Variants in MYH9 observed in about 807,000 individuals in gnomAD.
The protein encoded by MYH9 is myosin-9.
In MYH9, 29 loss-of-function variants were observed where a neutral mutation model predicts 241.9. The observed-to-expected ratio is 0.12, with a 90% CI of 0.09 to 0.16. The LOEUF (loss-of-function observed/expected upper bound fraction) is 0.16. Ranked by LOEUF, MYH9 falls within the 10% of genes least tolerant of loss-of-function variation. The probability of loss-of-function intolerance (pLI) is 1.00; values close to 1 mark genes in which losing one functional copy is unlikely to be tolerated. For synonymous variants in MYH9, 1,047 were observed against 1,062.6 expected, an observed-to-expected ratio of 0.99 and a Z score of 0.29; for missense variants, 1,803 against 2,595.5, an observed-to-expected ratio of 0.69 and a Z score of 6.63.
At chr22:36,377,062 C>CAAAAAAA (rs11448075) in intron 1 of MYH9, among the ~76,000 whole-genome samples, 1 of 144,826 alleles carries the variant, frequency 6.9e-6, no homozygotes, top group Non-Finnish European at 1.5e-5. Context: ...GACCCTACCT[C>CAAAAAAA]AAAAAAAAAA....
chr22:36,318,946 T>A (rs1038992724), intron 10 of MYH9, among the ~76,000 whole-genome samples: 3 of 152,038 alleles, frequency 2.0e-5, no homozygotes, highest in Non-Finnish European at 4.4e-5. Context: ...GTATTTTTAA[T>A]AGAGATGGGG....
chr22:36,287,680 T>G (rs2016610131), intron 34 of MYH9, among the ~76,000 whole-genome samples: 1 of 152,150 alleles, frequency 6.6e-6, no homozygotes, highest in Admixed American at 6.5e-5. Flanking sequence ...AGGCGGAGCT[T>G]GCAGCAAGCC....
At chr22:36,351,830 C>A (rs1368051068) in intron 1 of MYH9, among the ~76,000 whole-genome samples, 1 of 152,036 alleles carries the variant, frequency 6.6e-6, no homozygotes, top group Non-Finnish European at 1.5e-5. Flanking sequence ...GTGTTGCTGA[C>A]CCCGCCAATG....
intron 2 of MYH9, among the ~76,000 whole-genome samples, chr22:36,342,280 G>C (rs1397102672): frequency 6.6e-6 from 1 of 152,102 alleles, no homozygotes; most frequent in African/African-American, 2.4e-5. Flanking sequence ...CAGATATCCT[G>C]AGTTCAAATC....
chr22:36,343,751 G>A (rs1184078826), intron 2 of MYH9, among the ~76,000 whole-genome samples: 1 of 152,112 alleles, frequency 6.6e-6, no homozygotes, highest in Non-Finnish European at 1.5e-5. Flanking sequence ...GCGGGCCCAG[G>A]CATTTCAGGA....
At chr22:36,380,207 C>G (rs2018234964) in intron 1 of MYH9, among the ~76,000 whole-genome samples, 1 of 152,208 alleles carries the variant, frequency 6.6e-6, no homozygotes, top group South Asian at 2.1e-4. Flanking sequence ...GTCAATCGGG[C>G]ACAACAGCAG....
At chr22:36,328,825 C>T (rs2017376072) in intron 3 of MYH9, 1 of 152,274 alleles carries the variant, frequency 6.6e-6, no homozygotes, top group Non-Finnish European at 1.5e-5. Flanking sequence ...CTGGTCAGGG[C>T]CCTGCGTGAC....
In MYH9 at chr22:36,295,722, C is replaced by T. The variant is rs1442126690; in HGVS notation, c.3273-5G>A. 6.2e-7 allele frequency: 1 copy of T among 1,611,104 alleles called. No homozygotes were observed. The highest frequency in any genetic ancestry group is 2.2e-5 in the East Asian group (1 of 44,872). ...TGGGCAGCTTCCTCTTCCACTCTGC[C>T]AAAGCGACCAGCAACATCAGTATAA... On this transcript the variant is annotated splice_polypyrimidine_tract_variant and splice_region_variant and intron_variant, in intron 25 of 40. Coordinates refer to ENST00000216181, the MANE Select transcript of MYH9 (RefSeq NM_002473.6). The surrounding 1 kb of genome is among the most constrained non-coding windows in gnomAD (Gnocchi z 4.1).
intron 12 of MYH9, among the ~76,000 whole-genome samples, chr22:36,315,247 C>T (rs1420870728): frequency 6.6e-6 from 1 of 152,112 alleles, no homozygotes; most frequent in Non-Finnish European, 1.5e-5. Context: ...GCTAATACAA[C>T]TGTGGTTTGT....
intron 1 of MYH9, among the ~76,000 whole-genome samples, chr22:36,383,960 GAA>G (rs113872567): frequency 8.7e-5 from 10 of 115,068 alleles, no homozygotes; most frequent in Non-Finnish European, 5.4e-5. Flanking sequence ...ACCCTGTCTC[GAA>G]AAAAAAAAAA....
chr22:36,346,938 G>A (rs550336239), intron 2 of MYH9, among the ~76,000 whole-genome samples: 3 of 152,092 alleles, frequency 2.0e-5, no homozygotes, highest in East Asian at 3.9e-4. Context: ...TTTTCCACTA[G>A]GTCAAAAACA....
In MYH9 at chr22:36,292,041, T is replaced by C. The variant is rs1249032059; in HGVS notation, c.4289A>G (p.Asp1430Gly). 1.2e-6 allele frequency: 2 copies of C among 1,614,156 alleles called. No homozygotes were observed. The highest frequency in any genetic ancestry group is 1.7e-6 in the Non-Finnish European group (2 of 1,180,024). ...QELDDLLVDL[D>G]HQRQSACNLE... Reference sequence around the variant, plus strand: ...GTTGCACGCGCTCTGGCGCTGGTGGTCCAGGTCCACCAGCAGGTCGTCCAG... The same window carrying C: ...GTTGCACGCGCTCTGGCGCTGGTGGCCCAGGTCCACCAGCAGGTCGTCCAG... The change falls in exon 31 of 41, where the codon GAC becomes GGC. Residue 1430 changes from aspartate to glycine, a missense_variant. Coordinates refer to ENST00000216181, the MANE Select transcript of MYH9 (RefSeq NM_002473.6).
At chr22:36,314,045 A>G in intron 13 of MYH9, 100 bp downstream of exon 13, 1 of 1,445,314 alleles carries the variant, frequency 6.9e-7, no homozygotes, top group Non-Finnish European at 9.7e-7. Flanking sequence ...AGGGGAGTTA[A>G]GACACCTCCA....
chr22:36,358,847 A>G (rs372308445), intron 1 of MYH9, among the ~76,000 whole-genome samples: 1 of 152,220 alleles, frequency 6.6e-6, no homozygotes, highest in Non-Finnish European at 1.5e-5. Context: ...TTATTTGATC[A>G]GTTCAAAATG....
chr22:36,311,889 G>A lies in MYH9; in HGVS notation c.1728+160C>T, dbSNP rs77773194. Among the ~76,000 whole-genome samples, 1,401 of 152,262 alleles carry A rather than the reference G, an allele frequency of 9.2e-3. 26 individuals carry two copies. Among genetic ancestry groups the A allele is most frequent in the African/African-American group, 0.032 (1,314 of 41,526 alleles). On this transcript the variant is annotated intron_variant, in intron 14 of 40. Coordinates refer to ENST00000216181, the MANE Select transcript of MYH9 (RefSeq NM_002473.6). ...CTCTGTAAGCTGTGTAAATGATGATGCTGTCACCGGCCACATTACTGGGTG... is the reference window on the plus strand; with the variant it reads ...CTCTGTAAGCTGTGTAAATGATGATACTGTCACCGGCCACATTACTGGGTG...
In MYH9 at chr22:36,372,631, C is replaced by T. The variant is rs532729378; in HGVS notation, c.-20+15176G>A. On this transcript the variant is annotated intron_variant, in intron 1 of 40. Coordinates refer to ENST00000216181, the MANE Select transcript of MYH9 (RefSeq NM_002473.6). ...AGCTGTCCCAGTGAAACCTCAAACC[C>T]GAGAGGCCTGGTGCTGATCCAGGTC... Among the ~76,000 whole-genome samples the T allele has an allele frequency of 1.3e-4, 20 of 152,188 alleles. No individual in the cohort carries two copies. In the East Asian group the frequency reaches 3.3e-3, roughly 25 times the overall value.
chr22:36,311,989 G>T, intron 14 of MYH9, 60 bp downstream of exon 14: 4 of 1,599,980 alleles, frequency 2.5e-6, no homozygotes, highest in Non-Finnish European at 3.4e-6. Flanking sequence ...GTCCTAGAGA[G>T]CCTCGACTCC....
In MYH9 at chr22:36,289,244, C is replaced by A. The variant is rs1272087799; in HGVS notation, c.4398G>T (p.Arg1466=). Residue 1466 remains arginine, a synonymous_variant, in exon 32 of 41, where the codon CGG becomes CGT. Transcript: ENST00000216181. ...CCTTCTCTCGGGCCTCCGCCTCAGCCCGGTCGCGCTCCTCTGCATACTTGG... is the reference window on the plus strand; with the variant it reads ...CCTTCTCTCGGGCCTCCGCCTCAGCACGGTCGCGCTCCTCTGCATACTTGG... The part of the protein sequence containing the change: ...ISAKYAEERD[R]AEAEAREKET... The A allele has an allele frequency of 1.2e-6, 2 of 1,612,898 alleles. No individual in the cohort carries two copies. Among genetic ancestry groups the A allele is most frequent in the South Asian group, 1.1e-5 (1 of 91,072 alleles).
intron 1 of MYH9, among the ~76,000 whole-genome samples, chr22:36,368,804 C>T (rs2018048553): frequency 6.6e-6 from 1 of 151,352 alleles, no homozygotes; most frequent in Non-Finnish European, 1.5e-5. Flanking sequence ...GGTCCTGCAG[C>T]ACAACAAAGG....
Sources: allele counts gnomAD v4.1 joint callset (sites outside exome capture counted in the v4.1 genomes callset), GRCh38; gene constraint gnomAD v4.1.1; non-coding constraint Gnocchi (gnomAD v3.1); transcripts MANE v1.5; gene names NCBI Gene and HGNC (gene_info 2026-07-23, HGNC 2026-07-21).